Variants in HIRA observed in about 807,000 individuals in gnomAD.
HIRA encodes the protein protein HIRA.
HIRA carries 13 observed loss-of-function variants against 126.6 expected under a neutral mutation model. The ratio of observed to expected loss-of-function variants is 0.10; its 90% CI spans 0.07 to 0.16. The LOEUF is 0.16. Ranked by LOEUF, HIRA falls within the 10% of genes least tolerant of loss-of-function variation. The pLI, the probability that HIRA is intolerant of heterozygous loss-of-function variation, is 1.00. For synonymous variants in HIRA, 511 were observed against 520.0 expected, an observed-to-expected ratio of 0.98 and a Z score of 0.24; for missense variants, 834 against 1,314.4, an observed-to-expected ratio of 0.63 and a Z score of 5.65.
intron 12 of HIRA, among the ~76,000 whole-genome samples, chr22:19,384,246 C>T (rs2089103201): frequency 6.7e-6 from 1 of 148,672 alleles, no homozygotes; most frequent in Non-Finnish European, 1.5e-5. Flanking sequence ...ATCGCCTGAA[C>T]CAGGGAGTCG....
At chr22:19,414,367 T>C (rs545904389) in intron 1 of HIRA, among the ~76,000 whole-genome samples, 23 of 152,238 alleles carry the variant, frequency 1.5e-4, no homozygotes, top group African/African-American at 2.9e-4. Context: ...GGACTAAACA[T>C]GGGAACTTAA....
chr22:19,430,852 G>A (rs559281880), intron 1 of HIRA, among the ~76,000 whole-genome samples: 1 of 152,294 alleles, frequency 6.6e-6, no homozygotes, highest in South Asian at 2.1e-4. Flanking sequence ...GAACACACCT[G>A]TGCCCTATCT....
intron 15 of HIRA, chr22:19,365,906 C>T (rs998446154): frequency 3.3e-5 from 5 of 152,270 alleles, no homozygotes; most frequent in Non-Finnish European, 7.3e-5. Flanking sequence ...CAAGAGACCA[C>T]ACCAGGTTGC....
At chr22:19,401,042 C>T (rs1259896750) in intron 5 of HIRA, among the ~76,000 whole-genome samples, 1 of 152,120 alleles carries the variant, frequency 6.6e-6, no homozygotes, top group African/African-American at 2.4e-5. Flanking sequence ...TGAGAGCCCA[C>T]CACCACTCCC....
intron 6 of HIRA, among the ~76,000 whole-genome samples, chr22:19,397,164 C>T (rs2089230798): frequency 6.6e-6 from 1 of 152,196 alleles, no homozygotes. Flanking sequence ...CACCAAGGGG[C>T]TAGTTCTGAT....
intron 6 of HIRA, 40 bp downstream of exon 6, chr22:19,397,952 A>G: frequency 6.8e-7 from 1 of 1,473,378 alleles, no homozygotes; most frequent in Middle Eastern, 1.8e-4. Context: ...ACTGACAGGC[A>G]GTACTGCTTG....
intron 15 of HIRA, among the ~76,000 whole-genome samples, chr22:19,368,298 C>T (rs574810316): frequency 1.4e-4 from 21 of 152,310 alleles, no homozygotes; most frequent in Non-Finnish European, 2.4e-4. Context: ...AGGCCCATGA[C>T]GCTGCTCTGT....
chr22:19,377,929 C>A lies in HIRA; in HGVS notation c.1553G>T (p.Cys518Phe), dbSNP rs774512048. The change falls in exon 14 of 25, where the codon TGC becomes TTC. Residue 518 changes from cysteine to phenylalanine, a missense_variant. Cys to Phe is a radical substitution (Grantham distance 205, BLOSUM62 -2). Coordinates refer to ENST00000263208, the MANE Select transcript of HIRA (RefSeq NM_003325.4). The stretch of plus-strand genomic sequence containing the variant: ...ACTGGCAGCCACCACAGGCTCTGTG[C>A]AAGGCTTCGAGGCGCCGAAGGAGTT... ...TPNSFGASKP[C>F]TEPVVAASAR... 5 of 1,613,806 alleles carry A rather than the reference C, an allele frequency of 3.1e-6. No homozygotes were observed. Among genetic ancestry groups the A allele is most frequent in the Admixed American group, 3.3e-5 (2 of 59,988 alleles).
intron 4 of HIRA, among the ~76,000 whole-genome samples, chr22:19,406,976 G>C (rs947549457): frequency 6.6e-6 from 1 of 152,186 alleles, no homozygotes; most frequent in East Asian, 1.9e-4. Context: ...TTTCAGGTGA[G>C]AGCCTGCAGT....
chr22:19,332,064 A>C (rs1177171696), intron 24 of HIRA, among the ~76,000 whole-genome samples: 2 of 152,170 alleles, frequency 1.3e-5, no homozygotes, highest in Admixed American at 1.3e-4. Flanking sequence ...TGCTGACCAA[A>C]CTATGCTTAG....
At chr22:19,390,552 T>C (rs1224717372) in intron 9 of HIRA, among the ~76,000 whole-genome samples, 1 of 132,392 alleles carries the variant, frequency 7.6e-6, no homozygotes, top group Non-Finnish European at 1.5e-5. Context: ...GAAGCCAAGA[T>C]TGCACCACTG....
intron 21 of HIRA, among the ~76,000 whole-genome samples, chr22:19,354,371 TG>T (rs2088789744): frequency 6.6e-6 from 1 of 152,218 alleles, no homozygotes; most frequent in Non-Finnish European, 1.5e-5. Flanking sequence ...GGGCCCTTGC[TG>T]GGAACACTTC....
chr22:19,350,115 C>A (rs1556010360), intron 24 of HIRA, among the ~76,000 whole-genome samples: 4 of 151,982 alleles, frequency 2.6e-5, no homozygotes, highest in African/African-American at 9.7e-5. Context: ...TAGCAGCCTG[C>A]CAGTATTCTA....
At chr22:19,339,574 T>C (rs2146170154) in intron 24 of HIRA, among the ~76,000 whole-genome samples, 1 of 151,118 alleles carries the variant, frequency 6.6e-6, no homozygotes, top group South Asian at 2.1e-4. Context: ...GAGGCAGAGG[T>C]TGTAGTGAGC....
At chr22:19,415,789 C>T (rs558077773) in intron 1 of HIRA, among the ~76,000 whole-genome samples, 3 of 144,102 alleles carry the variant, frequency 2.1e-5, no homozygotes, top group Admixed American at 7.0e-5. Context: ...AACTCCGTCT[C>T]AAAAAAAAAA....
chr22:19,359,549 G>C (rs1000930633), intron 17 of HIRA, 65 bp from the exon 18 acceptor site: 1 of 1,429,190 alleles, frequency 7.0e-7, no homozygotes, highest in Non-Finnish European at 9.2e-7. Flanking sequence ...ATGCTCCAAG[G>C]CTCTGTAGCC....
At chr22:19,405,952 C>G in intron 4 of HIRA, 72 bp from the exon 5 acceptor site, 1 of 978,240 alleles carries the variant, frequency 1.0e-6, no homozygotes, top group Non-Finnish European at 1.4e-6. Flanking sequence ...TCCCTGCAGC[C>G]AGCTTATCAG....
rs1370563386 is a variant in HIRA, at chr22:19,394,527, A to G, written c.655-18T>C. ...CCTCCACACTGAAAGAAGCATCTGC[A>G]CTTGAAAGGAGCTCAAGGCCACCTT... On this transcript the variant is annotated intron_variant, in intron 7 of 24. Transcript: ENST00000263208. 1.9e-6 allele frequency: 3 copies of G among 1,610,342 alleles called. No individual in the cohort carries two copies. Among genetic ancestry groups the G allele is most frequent in the Admixed American group, 1.7e-5 (1 of 59,764 alleles).
chr22:19,361,834 A>G lies in HIRA; in HGVS notation c.1873T>C (p.Ser625Pro). Residue 625 changes from serine (S) to proline (P), a missense_variant, in exon 16 of 25, where the codon TCA becomes CCA. This residue lies in a region of HIRA where 468 missense variants were observed against 574.2 expected (regional missense o/e 0.82). Coordinates refer to ENST00000263208, the MANE Select transcript of HIRA (RefSeq NM_003325.4). ...AGCTCAAGTTTTCGCTTGGACAGTG[A>G]GGAAGCCTTAGCCAAAGGGACTTTC... Reference protein sequence around the residue: ...DEKVPLAKASSLSKRKLELEV... With the variant: ...DEKVPLAKASPLSKRKLELEV... 1 of 1,614,156 alleles carries G rather than the reference A, an allele frequency of 6.2e-7. No individual in the cohort carries two copies.
Sources: gnomAD v4.1 joint callset for allele counts (sites outside exome capture counted in the v4.1 genomes callset) on GRCh38, gnomAD v4.1.1 for gene constraint, gnomAD v4.1.1 regional missense constraint, MANE v1.5 for transcripts, NCBI Gene and HGNC (gene_info 2026-07-23, HGNC 2026-07-21) for gene names.